THRB: variants seen among roughly 807,000 people sequenced by gnomAD.
The protein encoded by THRB is nuclear receptor subfamily 1 group A member 2.
In THRB, 12 loss-of-function variants were observed where a neutral mutation model predicts 47.8. That is an observed-to-expected ratio of 0.25 (90% CI 0.16 to 0.41). The LOEUF (loss-of-function observed/expected upper bound fraction) is 0.41. Among genes scored for constraint, THRB ranks in the 10% least tolerant of loss-of-function variants. The probability of loss-of-function intolerance (pLI) is 1.00; values close to 1 mark genes in which losing one functional copy is unlikely to be tolerated. For missense variants in THRB, 348 were observed against 589.2 expected, an observed-to-expected ratio of 0.59 and a Z score of 4.24; for synonymous variants, 218 against 212.2, an observed-to-expected ratio of 1.03 and a Z score of -0.24.
chr3:24,492,321 T>C (rs923512630), intron 1 of THRB, among the ~76,000 whole-genome samples: 19 of 151,974 alleles, frequency 1.3e-4, no homozygotes, highest in African/African-American at 4.1e-4. Context: ...AAATGAACAA[T>C]TCAGATTGCA....
At chr3:24,264,497 A>G (rs561537740) in intron 3 of THRB, among the ~76,000 whole-genome samples, 49 of 127,774 alleles carry the variant, frequency 3.8e-4, no homozygotes, top group African/African-American at 1.2e-3. Flanking sequence ...GTCTTAAATT[A>G]TCTCCTTGTT....
At chr3:24,249,175 T>G (rs1025140993) in intron 3 of THRB, among the ~76,000 whole-genome samples, 1 of 152,148 alleles carries the variant, frequency 6.6e-6, no homozygotes, top group South Asian at 2.1e-4. Flanking sequence ...ATCCAAAGGA[T>G]AGTAGAGTAG....
At chr3:24,180,838 G>A (rs564208744) in intron 5 of THRB, among the ~76,000 whole-genome samples, 2 of 152,298 alleles carry the variant, frequency 1.3e-5, no homozygotes, top group Admixed American at 6.5e-5. Context: ...AGACTGCAAT[G>A]CCACTATCAG....
chr3:24,272,954 T>A (rs1430153498), intron 3 of THRB, among the ~76,000 whole-genome samples: 1 of 152,162 alleles, frequency 6.6e-6, no homozygotes, highest in African/African-American at 2.4e-5. Flanking sequence ...AAAACAAATA[T>A]CAATACTAAG....
At chr3:24,221,232 T>C (rs1330414791) in intron 4 of THRB, among the ~76,000 whole-genome samples, 1 of 152,218 alleles carries the variant, frequency 6.6e-6, no homozygotes, top group Non-Finnish European at 1.5e-5. Flanking sequence ...TAACACCATA[T>C]AGTCATTAGA....
At chr3:24,494,429 G>C (rs1407933920) in intron 1 of THRB, 1 of 152,320 alleles carries the variant, frequency 6.6e-6, no homozygotes, top group Non-Finnish European at 1.5e-5. Context: ...GCCGCCGCGC[G>C]GTGCCCGAAC....
rs879380710 is a variant in THRB at position 24,486,803 on chromosome 3, C to CT, written c.-261+7848dup. On this transcript the variant is annotated intron_variant, in intron 1 of 10. Transcript: ENST00000646209. ...TTTCTGTGTAAGGTTCCCTTGGTTCCTTTTTTTTTAAAGAAAAATAACACA... is the reference window on the plus strand; with the variant it reads ...TTTCTGTGTAAGGTTCCCTTGGTTCCTTTTTTTTTTAAAGAAAAATAACACA... Among the ~76,000 whole-genome samples, 260 of 151,164 alleles carry CT rather than the reference C, an allele frequency of 1.7e-3. 2 individuals are homozygous for CT. Among genetic ancestry groups the CT allele is most frequent in the African/African-American group, 5.2e-3 (216 of 41,196 alleles).
At chr3:24,287,573 C>T (rs2055446111) in intron 3 of THRB, among the ~76,000 whole-genome samples, 1 of 152,198 alleles carries the variant, frequency 6.6e-6, no homozygotes, top group Non-Finnish European at 1.5e-5. Flanking sequence ...GCTCTTCCAG[C>T]TCTTCCTGGT....
intron 1 of THRB, among the ~76,000 whole-genome samples, chr3:24,439,665 C>A (rs2071340690): frequency 6.6e-6 from 1 of 152,132 alleles, no homozygotes; most frequent in Admixed American, 6.5e-5. Context: ...CAAAGGCAAC[C>A]CACTCTATTT....
At chr3:24,299,574 C>T (rs2149079037) in intron 2 of THRB, among the ~76,000 whole-genome samples, 1 of 152,030 alleles carries the variant, frequency 6.6e-6, no homozygotes, top group African/African-American at 2.4e-5. Flanking sequence ...CTCTGTTTTT[C>T]ACAGATTACC....
At chr3:24,477,648 A>G (rs575800022) in intron 1 of THRB, among the ~76,000 whole-genome samples, 1 of 152,202 alleles carries the variant, frequency 6.6e-6, no homozygotes, top group South Asian at 2.1e-4. Context: ...TGCATGGGAC[A>G]TTCCACTACT....
At chr3:24,232,411 G>A (rs529195867) in intron 3 of THRB, among the ~76,000 whole-genome samples, 1 of 152,338 alleles carries the variant, frequency 6.6e-6, no homozygotes, top group African/African-American at 2.4e-5. Flanking sequence ...TCTCTTCAGA[G>A]TAGACTGGGG....
chr3:24,177,430 A>T (rs988394128), intron 5 of THRB, among the ~76,000 whole-genome samples: 2 of 152,186 alleles, frequency 1.3e-5, no homozygotes, highest in Non-Finnish European at 2.9e-5. Context: ...CTCAGCATAT[A>T]GTACAGTATT....
chr3:24,232,221 A>T (rs943888654), intron 3 of THRB, among the ~76,000 whole-genome samples: 1 of 152,204 alleles, frequency 6.6e-6, no homozygotes, highest in African/African-American at 2.4e-5. Flanking sequence ...TCCCTTTGAC[A>T]TGGGTCATTC....
chr3:24,194,040 C>T (rs1380955640), intron 4 of THRB, among the ~76,000 whole-genome samples: 3 of 152,166 alleles, frequency 2.0e-5, no homozygotes, highest in Admixed American at 6.6e-5. Context: ...AACCAAACAT[C>T]ATACGTTTTC....
intron 8 of THRB, among the ~76,000 whole-genome samples, chr3:24,133,770 G>T (rs72619913): frequency 6.6e-6 from 1 of 152,110 alleles, no homozygotes; most frequent in Non-Finnish European, 1.5e-5. Flanking sequence ...TGCACAAAGG[G>T]TGTATACTTA....
chr3:24,391,469 T>C lies in THRB; in HGVS notation c.-260-54098A>G, dbSNP rs140364391. 6.6e-5 allele frequency among the ~76,000 whole-genome samples: 10 copies of C among 152,272 alleles called. No homozygotes were observed. The East Asian group carries it at 1.7e-3, about 26-fold the overall frequency. On this transcript the variant is annotated intron_variant, in intron 1 of 10. Coordinates refer to ENST00000646209, the MANE Select transcript of THRB (RefSeq NM_001354712.2). ...TGGAGACAGTTATTCCTTGTTAAAC[T>C]TAGTTTTGAAACTAGAATCTTCATG...
intron 2 of THRB, among the ~76,000 whole-genome samples, chr3:24,313,776 G>A (rs1158613979): frequency 6.6e-6 from 1 of 151,020 alleles, no homozygotes; most frequent in Non-Finnish European, 1.5e-5. Flanking sequence ...TTCACAGTTT[G>A]GTTCAAAGGC....
intron 4 of THRB, among the ~76,000 whole-genome samples, chr3:24,204,570 G>A (rs866958803): frequency 6.6e-6 from 1 of 152,188 alleles, no homozygotes; most frequent in Admixed American, 6.5e-5. Context: ...GAGCAGAAAA[G>A]CTGAAAATTC....
Sources: gnomAD v4.1 joint callset for allele counts (sites outside exome capture counted in the v4.1 genomes callset) on GRCh38, gnomAD v4.1.1 for gene constraint, MANE v1.5 for transcripts, NCBI Gene and HGNC (gene_info 2026-07-23, HGNC 2026-07-21) for gene names.